The following SOBP variants were observed in gnomAD, a reference collection of about 807,000 sequenced individuals.
SOBP encodes the protein sine oculis-binding protein homolog.
SOBP carries 4 observed loss-of-function variants against 53.6 expected under a neutral mutation model. The observed-to-expected ratio is 0.07, with a 90% CI of 0.04 to 0.17. The LOEUF (loss-of-function observed/expected upper bound fraction) is 0.17, where lower values mean the gene tolerates loss of function less well. Ranked by LOEUF, SOBP falls within the 10% of genes least tolerant of loss-of-function variation. The pLI is 1.00. For synonymous variants in SOBP, 584 were observed against 522.6 expected (o/e 1.12, Z -1.60); for missense variants, 1,088 against 1,204.7 (o/e 0.90, Z 1.43).
intron 3 of SOBP, among the ~76,000 whole-genome samples, chr6:107,525,964 C>T (rs1281640181): frequency 1.3e-5 from 2 of 151,588 alleles, no homozygotes; most frequent in African/African-American, 2.4e-5. Context: ...TTTTTTTCCC[C>T]GAGACGGAGT....
At chr6:107,535,224 C>T (rs1783958298) in intron 4 of SOBP, among the ~76,000 whole-genome samples, 1 of 152,092 alleles carries the variant, frequency 6.6e-6, no homozygotes, top group South Asian at 2.1e-4. Context: ...ACACCTGATT[C>T]CATTTGGAAA....
intron 5 of SOBP, among the ~76,000 whole-genome samples, chr6:107,618,512 A>G (rs1786880736): frequency 6.6e-6 from 1 of 152,252 alleles, no homozygotes; most frequent in African/African-American, 2.4e-5. Flanking sequence ...CATGACTAGA[A>G]TAAACCCTCA....
chr6:107,609,776 C>T (rs1018255009), intron 5 of SOBP, among the ~76,000 whole-genome samples: 1 of 152,028 alleles, frequency 6.6e-6, no homozygotes, highest in Admixed American at 6.5e-5. Context: ...CTACTCCCAC[C>T]AGACCATCAC....
intron 5 of SOBP, among the ~76,000 whole-genome samples, chr6:107,612,139 C>T (rs971073414): frequency 6.6e-6 from 1 of 152,200 alleles, no homozygotes; most frequent in African/African-American, 2.4e-5. Context: ...TGGAGGCTGA[C>T]TTCTCCACTG....
chr6:107,586,772 A>G (rs981871665), intron 4 of SOBP, among the ~76,000 whole-genome samples: 2 of 152,224 alleles, frequency 1.3e-5, no homozygotes, highest in African/African-American at 4.8e-5. Flanking sequence ...CTAAATGTGC[A>G]ATGAACAATG....
intron 4 of SOBP, among the ~76,000 whole-genome samples, chr6:107,546,564 C>T (rs960388025): frequency 3.9e-5 from 6 of 152,154 alleles, no homozygotes; most frequent in African/African-American, 1.2e-4. Context: ...AGCATGCTGG[C>T]GCCTGCACTC....
In SOBP at chr6:107,611,551, A is replaced by G. The variant is rs1179853904; in HGVS notation, c.670-21963A>G. Among the ~76,000 whole-genome samples, 5 of 152,310 alleles carry G rather than the reference A, an allele frequency of 3.3e-5. No individual in the cohort carries two copies. The South Asian group carries it at 8.3e-4, about 25-fold the overall frequency. ...ACTTTCTGCTTGCTGAGTAGAAGCT[A>G]TCACTTTCCTCCTCAGCCCAGTAGG... is the stretch of plus-strand genomic sequence containing the variant. On this transcript the variant is annotated intron_variant, in intron 5 of 6. Transcript: ENST00000317357.
intron 5 of SOBP, among the ~76,000 whole-genome samples, chr6:107,625,079 G>C (rs1770397078): frequency 6.6e-6 from 1 of 152,186 alleles, no homozygotes; most frequent in Admixed American, 6.5e-5. Context: ...TTACCTATAT[G>C]ATAAGGTATT....
intron 5 of SOBP, among the ~76,000 whole-genome samples, chr6:107,625,652 A>T (rs1453959370): frequency 1.3e-5 from 2 of 152,196 alleles, no homozygotes; most frequent in Non-Finnish European, 2.9e-5. Flanking sequence ...AGGGTGAGAT[A>T]CAACCCAGGG....
chr6:107,635,532 G>A lies in SOBP; in HGVS notation c.*3+63G>A, dbSNP rs963165594. 18 of 1,594,278 alleles carry A rather than the reference G, an allele frequency of 1.1e-5. No individual in the cohort carries two copies. Among genetic ancestry groups the A allele is most frequent in the Non-Finnish European group, 1.5e-5 (17 of 1,168,566 alleles). On this transcript the variant is annotated intron_variant, in intron 6 of 6. Coordinates refer to ENST00000317357, the MANE Select transcript of SOBP (RefSeq NM_018013.4). This position sits in a 1 kb window ranked among gnomAD's most constrained non-coding sequence, Gnocchi z 4.5. ...GTGCACCTCTCCTTACTTCTGACAA[G>A]GCAGAGGGGAGAGTTGTAATTATAG...
At chr6:107,557,287 G>A (rs1784640544) in intron 4 of SOBP, among the ~76,000 whole-genome samples, 1 of 152,148 alleles carries the variant, frequency 6.6e-6, no homozygotes, top group Admixed American at 6.5e-5. Flanking sequence ...AGTAATTAGT[G>A]AATACCTCTG....
In SOBP at chr6:107,560,236, G is replaced by A. The variant is rs78319749; in HGVS notation, c.573+26626G>A. ...CCTTCCCCAGCCCAAGAGGTGTTCA[G>A]ATATGTTCATGCAGCTCTCTCCTGG... On this transcript the variant is annotated intron_variant, in intron 4 of 6. Transcript: ENST00000317357. 5.6e-3 allele frequency among the ~76,000 whole-genome samples: 855 copies of A among 152,276 alleles called. 17 individuals are homozygous for A. Among genetic ancestry groups the A allele is most frequent in the African/African-American group, 0.02 (820 of 41,552 alleles).
At chr6:107,547,762 G>T (rs1784344431) in intron 4 of SOBP, among the ~76,000 whole-genome samples, 1 of 152,152 alleles carries the variant, frequency 6.6e-6, no homozygotes, top group African/African-American at 2.4e-5. Context: ...AATCCACGGA[G>T]GCAGCCCTGG....
chr6:107,493,692 G>C (rs193287707), intron 1 of SOBP, among the ~76,000 whole-genome samples: 175 of 152,324 alleles, frequency 1.1e-3, no homozygotes, highest in African/African-American at 3.9e-3. Flanking sequence ...AGCAAATGCA[G>C]GGCACTGAGA....
At chr6:107,549,281 A>AAAC (rs1298720931) in intron 4 of SOBP, among the ~76,000 whole-genome samples, 2 of 151,906 alleles carry the variant, frequency 1.3e-5, no homozygotes, top group Non-Finnish European at 2.9e-5. Flanking sequence ...ACAAACAAAC[A>AAAC]AACAACAACA....
chr6:107,634,902 G>A lies in SOBP; in HGVS notation c.2058G>A (p.Glu686=). 1 of 1,273,804 alleles carries A rather than the reference G, an allele frequency of 7.9e-7. No homozygotes were observed. Among genetic ancestry groups the A allele is most frequent in the African/African-American group, 1.6e-5 (1 of 64,216 alleles). The allele number at this position is 1,273,804 out of a possible 1,614,324, so 78.9% of individuals were successfully genotyped here. A position where few individuals can be genotyped will look rare whatever the true frequency, so the allele number is the denominator to read the frequency against. The change falls in exon 6 of 7, where the codon GAG becomes GAA. Residue 686 remains glutamate (E), a synonymous_variant. Transcript: ENST00000317357. The surrounding 1 kb of genome is among the most constrained non-coding windows in gnomAD (Gnocchi z 4.5). ...VKAEREPSAA[E]RRTCGGCRDG... ...CGGAGCGCGAGCCGAGCGCCGCGGA[G>A]CGCAGGACCTGCGGCGGCTGCAGGG... is the stretch of plus-strand genomic sequence containing the variant.
Position 107,643,105 on chromosome 6 carries a change from A to T in SOBP, c.*3+7636A>T, listed in dbSNP as rs546594910. On this transcript the variant is annotated intron_variant, in intron 6 of 6. Coordinates refer to ENST00000317357, the MANE Select transcript of SOBP (RefSeq NM_018013.4). ...GTGGCTAAACGGCATTTGGAGAGAG[A>T]AGGGGAAACCCTATATTTCATCCTT... Among the ~76,000 whole-genome samples the T allele has an allele frequency of 5.9e-5, 9 of 152,338 alleles. No homozygotes were observed. The East Asian group carries it at 1.7e-3, about 29-fold the overall frequency.
chr6:107,642,579 CAG>C (rs1771378082), intron 6 of SOBP, among the ~76,000 whole-genome samples: 1 of 152,176 alleles, frequency 6.6e-6, no homozygotes, highest in Non-Finnish European at 1.5e-5. Flanking sequence ...GAGATGGGGG[CAG>C]AGCAGACCTG....
Position 107,506,658 on chromosome 6 carries a change from T to C in SOBP, c.421+231T>C, listed in dbSNP as rs186386652. ...CTTTCAACTGACAGTAAACCTTTTC[T>C]ACCACTGACTACAAAACAAAGTTAT... On this transcript the variant is annotated intron_variant, in intron 3 of 6. Transcript: ENST00000317357. Among the ~76,000 whole-genome samples the C allele has an allele frequency of 4.1e-3, 621 of 152,290 alleles. 1 individual carries two copies. The highest frequency in any genetic ancestry group is 5.9e-3 in the Admixed American group (90 of 15,294).
Sources: gnomAD v4.1 joint callset for allele counts (sites outside exome capture counted in the v4.1 genomes callset) on GRCh38, gnomAD v4.1.1 for gene constraint, Gnocchi (gnomAD v3.1) non-coding constraint, MANE v1.5 for transcripts, NCBI Gene and HGNC (gene_info 2026-07-23, HGNC 2026-07-21) for gene names.